DRP2: variants seen among roughly 807,000 people sequenced by gnomAD.
DRP2 encodes dystrophin-related protein 2.
Under a neutral mutation model 78.2 loss-of-function variants are expected in DRP2, and 29 were observed. The observed-to-expected ratio is 0.37, with a 90% CI of 0.28 to 0.51. The LOEUF (loss-of-function observed/expected upper bound fraction) is 0.51, where lower values mean the gene tolerates loss of function less well. DRP2 is among the 20% of genes least tolerant of loss of function. The pLI is 0.94. For missense variants in DRP2, 686 were observed against 770.6 expected (o/e 0.89, Z 1.30); for synonymous variants, 290 against 281.9 (o/e 1.03, Z -0.29).
rs141757725 is a variant in DRP2 at position 101,242,455 on chromosome X, G to A, written c.959G>A (p.Arg320Gln). 2.0e-5 allele frequency: 24 copies of A among 1,207,852 alleles called. No homozygotes were observed. The African/African-American group carries it at 2.6e-4, about 13-fold the overall frequency. Reference protein sequence around the residue: ...NSQALEQINVRWKQLQASVSE... With the variant: ...NSQALEQINVQWKQLQASVSE... ...CAGGCCCTGGAACAGATCAACGTCC[G>A]ATGGAAACAACTACAGGTAGAAGAG... Residue 320 changes from arginine (R) to glutamine (Q), a missense_variant, in exon 8 of 24, where the codon CGA becomes CAA. This residue lies in a region of DRP2 where 423 missense variants were observed against 531.5 expected (regional missense o/e 0.80). Transcript: ENST00000395209.
At chrX:101,260,297 T>C (rs1923502135) in intron 23 of DRP2, 128 bp downstream of exon 23, 1 of 990,965 alleles carries the variant, frequency 1.0e-6, no homozygotes, top group Non-Finnish European at 1.4e-6. Flanking sequence ...TCAGGGATGA[T>C]TGGTTTACTG....
At chrX:101,227,926 GA>G (rs778600815) in intron 2 of DRP2, among the ~76,000 whole-genome samples, 8 of 112,133 alleles carry the variant, frequency 7.1e-5, no homozygotes, top group Non-Finnish European at 1.5e-4. Context: ...CAAAAGAGAA[GA>G]AAAGAGATAG....
At position 101,237,797 on chromosome X, in the gene DRP2, C is replaced by A. The variant is rs765282130; in HGVS notation, c.438+22C>A. The A allele has an allele frequency of 1.4e-5, 15 of 1,101,571 alleles. No individual in the cohort carries two copies. The Admixed American group carries it at 3.9e-4, about 29-fold the overall frequency. The allele number at this position is 1,101,571 out of a possible 1,213,427, so 90.8% of individuals were successfully genotyped here. A position where few individuals can be genotyped will look rare whatever the true frequency, so the allele number is the denominator to read the frequency against. ...TGCGGTAGGTTAGAATCAGAGAAGC[C>A]GTGGTGTGTAGCCTCTCAGCTGGGG... On this transcript the variant is annotated intron_variant, in intron 5 of 23. Coordinates refer to ENST00000395209, the MANE Select transcript of DRP2 (RefSeq NM_001939.3).
Position 101,263,519 on chromosome X carries a change from C to G in DRP2, c.*2898C>G, listed in dbSNP as rs779414412. On this transcript the variant is annotated 3_prime_UTR_variant, in exon 24 of 24. Coordinates refer to ENST00000395209, the MANE Select transcript of DRP2 (RefSeq NM_001939.3). ...ACAGAATTTGATAGAGGCCAAAAAG[C>G]CATTACGAGGATACCTCTGCTTCCA... The G allele has an allele frequency of 1.8e-5, 2 of 111,989 alleles. No individual in the cohort carries two copies. The highest frequency in any genetic ancestry group is 7.6e-4 in the South Asian group (2 of 2,648). 9.2% of individuals were successfully genotyped at this position (111,989 alleles called of 1,213,427 possible). A position where few individuals can be genotyped will look rare whatever the true frequency, so the allele number is the denominator to read the frequency against.
At chrX:101,239,142 G>T in intron 6 of DRP2, 41 bp downstream of exon 6, 1 of 1,184,875 alleles carries the variant, frequency 8.4e-7, no homozygotes, top group Non-Finnish European at 1.1e-6. Flanking sequence ...CTTGAGCCAT[G>T]TACTGCTGAA....
chrX:101,246,373 C>T (rs999270761), intron 11 of DRP2, among the ~76,000 whole-genome samples: 14 of 112,757 alleles, frequency 1.2e-4, no homozygotes, highest in Non-Finnish European at 2.6e-4. Context: ...GTTTGTTGCA[C>T]ATTTTATCCA....
chrX:101,222,705 A>G (rs1195481312), intron 1 of DRP2, among the ~76,000 whole-genome samples: 1 of 112,609 alleles, frequency 8.9e-6, no homozygotes, highest in East Asian at 2.8e-4. Flanking sequence ...TGTGTTATGA[A>G]ATATCTTTGT....
At chrX:101,241,638 C>T (rs1254057738) in intron 6 of DRP2, 30 bp from the exon 7 acceptor site, 2 of 1,203,197 alleles carry the variant, frequency 1.7e-6, no homozygotes, top group East Asian at 3.0e-5. Flanking sequence ...GCCTGGTTGG[C>T]CTAACCTGGC....
intron 9 of DRP2, among the ~76,000 whole-genome samples, chrX:101,244,288 A>G (rs1397376237): frequency 1.8e-5 from 2 of 111,883 alleles, no homozygotes; most frequent in Non-Finnish European, 3.8e-5. Flanking sequence ...AGATGGTGAG[A>G]ATATACAGAC....
At position 101,245,118 on chromosome X, in the gene DRP2, C is replaced by G. The variant is rs572955131; in HGVS notation, c.1115+41C>G. The G allele has an allele frequency of 2.1e-5, 24 of 1,125,033 alleles. No individual in the cohort carries two copies. In the Admixed American group the frequency reaches 5.4e-4, roughly 25 times the overall value. The allele number at this position is 1,125,033 out of a possible 1,213,427, so 92.7% of individuals were successfully genotyped here. A position where few individuals can be genotyped will look rare whatever the true frequency, so the allele number is the denominator to read the frequency against. On this transcript the variant is annotated intron_variant, in intron 10 of 23. Transcript: ENST00000395209. ...AATCAGAAGCGGGTCAGTCACCTGC[C>G]CACCCCCTCCCTCTCCTGCCTTTTT...
intron 9 of DRP2, among the ~76,000 whole-genome samples, chrX:101,244,663 G>T (rs1172893071): frequency 8.9e-6 from 1 of 112,357 alleles, no homozygotes; most frequent in African/African-American, 3.2e-5. Flanking sequence ...CTTCATATCC[G>T]CAAGAGTAAT....
intron 22 of DRP2, among the ~76,000 whole-genome samples, chrX:101,259,140 C>T (rs1224968442): frequency 1.8e-5 from 2 of 111,858 alleles, no homozygotes; most frequent in Admixed American, 1.9e-4. Context: ...GTTTCCTCAT[C>T]TGTACAACAG....
Position 101,237,688 on chromosome X carries a change from G to C in DRP2, c.351G>C (p.Trp117Cys). 8.5e-7 allele frequency: 1 copy of C among 1,178,352 alleles called. No homozygotes were observed. Among genetic ancestry groups the C allele is most frequent in the Non-Finnish European group, 1.1e-6 (1 of 874,807 alleles). Residue 117 changes from tryptophan to cysteine, a missense_variant, in exon 5 of 24, where the codon TGG becomes TGC. Trp to Cys is a radical substitution (Grantham distance 215). Transcript: ENST00000395209. The part of the protein sequence containing the change: ...LQLPLQEIID[W>C]LSQKDEELSA... Reference sequence around the variant, plus strand: ...TCCCTCTTCAAGAGATTATTGACTGGCTCAGCCAAAAGGATGAGGAGTTGT... The same window carrying C: ...TCCCTCTTCAAGAGATTATTGACTGCCTCAGCCAAAAGGATGAGGAGTTGT...
At chrX:101,253,201 C>G (rs1399971312) in intron 17 of DRP2, among the ~76,000 whole-genome samples, 2 of 111,160 alleles carry the variant, frequency 1.8e-5, no homozygotes, top group Admixed American at 9.6e-5. Context: ...AATTATTCAT[C>G]CCTTGGAGGG....
intron 1 of DRP2, among the ~76,000 whole-genome samples, chrX:101,224,206 T>G (rs1201947838): frequency 1.7e-4 from 12 of 72,297 alleles, no homozygotes; most frequent in East Asian, 1.3e-3. Flanking sequence ...TTTTTTTTTT[T>G]TTTTTTTTTT....
At chrX:101,230,803 CA>C (rs1922280672) in intron 2 of DRP2, among the ~76,000 whole-genome samples, 1 of 111,623 alleles carries the variant, frequency 9.0e-6, no homozygotes, top group African/African-American at 3.3e-5. Flanking sequence ...GTTTCTCTTT[CA>C]TGACTCACCT....
chrX:101,242,397 A>G lies in DRP2; in HGVS notation c.901A>G (p.Ile301Val), dbSNP rs1298978888. Residue 301 changes from isoleucine to valine, a missense_variant, in exon 8 of 24, where the codon ATT (isoleucine) becomes GTT (valine). Around this residue, in one of 2 missense-constraint regions of DRP2, gnomAD observed 263 missense variants for 239.1 expected, o/e 1.10. Transcript: ENST00000395209. ...GAATGATCTGGCCCACCAACTTGCCATTTCTGATGTGCACTTGTCAATGGA... is the reference window on the plus strand; with the variant it reads ...GAATGATCTGGCCCACCAACTTGCCGTTTCTGATGTGCACTTGTCAATGGA... ...LVNDLAHQLA[I>V]SDVHLSMENS... The G allele has an allele frequency of 3.3e-6, 4 of 1,211,819 alleles. No homozygotes were observed. Among genetic ancestry groups the G allele is most frequent in the Non-Finnish European group, 4.5e-6 (4 of 895,545 alleles).
rs1030883872 is a variant in DRP2, at chrX:101,256,139, G to A, written c.2268G>A (p.Leu756=). 2.5e-6 allele frequency: 3 copies of A among 1,196,995 alleles called. No homozygotes were observed. Among genetic ancestry groups the A allele is most frequent in the African/African-American group, 1.8e-5 (1 of 56,628 alleles). ...GCAGAGACGAGGACCAGTACCTGCT[G>A]CGGCACTCCAGCCCCATCACAGACC... ...DDSIDEDQYL[L]RHSSPITDRE... is the part of the protein sequence containing the mutation. The change falls in exon 21 of 24, where the codon CTG becomes CTA. Residue 756 remains leucine, a synonymous_variant. Transcript: ENST00000395209.
intron 11 of DRP2, among the ~76,000 whole-genome samples, chrX:101,245,994 G>A (rs1044468848): frequency 4.4e-5 from 5 of 112,377 alleles, no homozygotes; most frequent in African/African-American, 1.6e-4. Flanking sequence ...ATAGATTGGG[G>A]TGATGGATTC....
Sources: gnomAD v4.1 joint callset for allele counts (sites outside exome capture counted in the v4.1 genomes callset) on GRCh38, gnomAD v4.1.1 for gene constraint, gnomAD v4.1.1 regional missense constraint, MANE v1.5 for transcripts, NCBI Gene and HGNC (gene_info 2026-07-23, HGNC 2026-07-21) for gene names.